Variants in TTC17 observed in about 807,000 individuals in gnomAD.
The protein encoded by TTC17 is tetratricopeptide repeat protein 17.
TTC17 carries 58 observed loss-of-function variants against 143.8 expected under a neutral mutation model. The observed-to-expected ratio is 0.40, with a 90% confidence interval of 0.33 to 0.50. The LOEUF (loss-of-function observed/expected upper bound fraction) is 0.50, where lower values mean the gene tolerates loss of function less well. TTC17 is among the 20% of genes least tolerant of loss of function. The probability of loss-of-function intolerance (pLI) is 0.49; values close to 1 mark genes in which losing one functional copy is unlikely to be tolerated. For missense variants in TTC17, 1,273 were observed against 1,392.5 expected (o/e 0.91, Z 1.37); for synonymous variants, 501 against 497.8 (o/e 1.01, Z -0.09).
intron 5 of TTC17, chr11:43,396,505 G>A (rs1187704407): frequency 1.1e-5 from 4 of 348,388 alleles, no homozygotes; most frequent in South Asian, 1.1e-4. Flanking sequence ...CCTAATGCAC[G>A]TGCTCAGCTG....
intron 2 of TTC17, among the ~76,000 whole-genome samples, chr11:43,379,790 C>T (rs957169580): frequency 1.3e-5 from 2 of 152,136 alleles, no homozygotes; most frequent in African/African-American, 2.4e-5. Flanking sequence ...AAACATTAAT[C>T]ACCTTGTTCC....
At chr11:43,492,321 G>A (rs912291518) in intron 23 of TTC17, among the ~76,000 whole-genome samples, 158 bp downstream of exon 23, 4 of 152,160 alleles carry the variant, frequency 2.6e-5, no homozygotes, top group Admixed American at 6.5e-5. Context: ...ATAAGGGTTC[G>A]AGAGGTTTTT....
intron 16 of TTC17, 32 bp from the exon 17 acceptor site, chr11:43,443,293 C>T: frequency 6.2e-7 from 1 of 1,609,150 alleles, no homozygotes; most frequent in Non-Finnish European, 8.5e-7. Context: ...TACTGTGTAC[C>T]TTTTACTAAC....
chr11:43,404,147 A>G lies in TTC17; in HGVS notation c.1479+3A>G, dbSNP rs951491642. 1 of 1,600,608 alleles carries G rather than the reference A, an allele frequency of 6.2e-7. No homozygotes were observed. The highest frequency in any genetic ancestry group is 8.5e-7 in the Non-Finnish European group (1 of 1,175,660). On this transcript the variant is annotated splice_donor_region_variant and intron_variant, in intron 11 of 23. Transcript: ENST00000039989. ...GCAGGGACTCTGATGCATATAGGGT[A>G]AGTTAATAGAGGATGACGAAGCAGT... is the stretch of plus-strand genomic sequence containing the variant.
chr11:43,362,487 T>C (rs1053654762), intron 1 of TTC17, among the ~76,000 whole-genome samples: 3 of 152,008 alleles, frequency 2.0e-5, no homozygotes, highest in African/African-American at 7.3e-5. Context: ...CTTTGGTGGG[T>C]TGAAAAGGGG....
chr11:43,466,697 CA>C, intron 21 of TTC17: 2 of 367,402 alleles, frequency 5.4e-6, no homozygotes, highest in Non-Finnish European at 1.1e-5. Context: ...ATGCTGCACC[CA>C]AAACAAATGA....
At position 43,397,849 on chromosome 11, in the gene TTC17, CATT is replaced by C. The variant is rs2134554997; in HGVS notation, c.919-123_919-121del. ...AAGAGGTAGGTGTGATCTCATAAAT[CATT>C]AGAGGATTTGGACAGATGCAACCAG... is the stretch of plus-strand genomic sequence containing the variant. On this transcript the variant is annotated intron_variant, in intron 7 of 23. Coordinates refer to ENST00000039989, the MANE Select transcript of TTC17 (RefSeq NM_018259.6). The C allele has an allele frequency of 7.5e-6, 10 of 1,338,436 alleles. No homozygotes were observed. In the South Asian group the frequency reaches 1.3e-4, roughly 17 times the overall value. 82.9% of individuals were successfully genotyped at this position (1,338,436 alleles called of 1,614,324 possible). A position where few individuals can be genotyped will look rare whatever the true frequency, so the allele number is the denominator to read the frequency against.
At chr11:43,430,532 T>C (rs958196873) in intron 16 of TTC17, among the ~76,000 whole-genome samples, 2 of 152,162 alleles carry the variant, frequency 1.3e-5, no homozygotes, top group African/African-American at 4.8e-5. Flanking sequence ...TAAGGCAGTC[T>C]GTCTATTAAA....
intron 16 of TTC17, chr11:43,435,111 A>ATAGATAGATAGG (rs59822550): frequency 5.3e-5 from 8 of 152,130 alleles, no homozygotes; most frequent in African/African-American, 1.9e-4. Flanking sequence ...AGATAGATAG[A>ATAGATAGATAGG]TAGATAGATA....
chr11:43,483,174 TTAAG>T (rs199695637), intron 21 of TTC17, among the ~76,000 whole-genome samples: 13,995 of 141,750 alleles, frequency 0.099, 779 homozygotes, highest in Middle Eastern at 0.17. Flanking sequence ...CTCAAATAAA[TTAAG>T]TAGTAAGTTT....
At chr11:43,363,915 A>C (rs1856220619) in intron 1 of TTC17, among the ~76,000 whole-genome samples, 1 of 152,196 alleles carries the variant, frequency 6.6e-6, no homozygotes, top group Middle Eastern at 3.2e-3. Flanking sequence ...TTATCTCCAT[A>C]GAATGTTTTG....
At chr11:43,442,267 G>A (rs1444984824) in intron 16 of TTC17, among the ~76,000 whole-genome samples, 4 of 152,166 alleles carry the variant, frequency 2.6e-5, no homozygotes, top group Admixed American at 1.3e-4. Flanking sequence ...TCATTATGTG[G>A]TGCATGGCTA....
At chr11:43,449,993 G>A (rs922118032) in intron 19 of TTC17, 89 bp from the exon 20 acceptor site, 2 of 1,405,648 alleles carry the variant, frequency 1.4e-6, no homozygotes, top group South Asian at 1.4e-5. Flanking sequence ...TGTTAATGCT[G>A]TCTCTCCTTG....
At chr11:43,370,828 T>G (rs967388909) in intron 1 of TTC17, among the ~76,000 whole-genome samples, 1 of 136,318 alleles carries the variant, frequency 7.3e-6, no homozygotes, top group East Asian at 2.1e-4. Flanking sequence ...TTGTTTGTTT[T>G]AAGATGGAGT....
At chr11:43,442,158 C>T (rs956179682) in intron 16 of TTC17, among the ~76,000 whole-genome samples, 2 of 152,160 alleles carry the variant, frequency 1.3e-5, no homozygotes, top group Admixed American at 1.3e-4. Flanking sequence ...ATATTTGTGT[C>T]TCTAAACATA....
At chr11:43,493,586 C>T (rs947104113) in intron 23 of TTC17, among the ~76,000 whole-genome samples, 187 bp from the exon 24 acceptor site, 2 of 152,082 alleles carry the variant, frequency 1.3e-5, no homozygotes, top group African/African-American at 4.8e-5. Context: ...ATTCCCATAC[C>T]TCGGGAATGA....
chr11:43,373,138 G>A (rs1455272485), intron 1 of TTC17, among the ~76,000 whole-genome samples: 1 of 151,848 alleles, frequency 6.6e-6, no homozygotes, highest in South Asian at 2.1e-4. Context: ...TGTCTATATG[G>A]TACTGTGTTT....
At chr11:43,379,457 A>T in intron 2 of TTC17, 135 bp downstream of exon 2, 1 of 661,488 alleles carries the variant, frequency 1.5e-6, no homozygotes, top group East Asian at 2.7e-5. Context: ...TACTACCTGC[A>T]ATGTGTGTGT....
At chr11:43,384,014 A>G (rs1857075087) in intron 2 of TTC17, among the ~76,000 whole-genome samples, 1 of 151,966 alleles carries the variant, frequency 6.6e-6, no homozygotes, top group East Asian at 1.9e-4. Context: ...GCATGGTGGC[A>G]GGCACCTGTA....
Sources: gnomAD v4.1 joint callset for allele counts (sites outside exome capture counted in the v4.1 genomes callset) on GRCh38, gnomAD v4.1.1 for gene constraint, MANE v1.5 for transcripts, NCBI Gene and HGNC (gene_info 2026-07-23, HGNC 2026-07-21) for gene names.